Variants in USP31 observed in about 807,000 individuals in gnomAD.
The protein encoded by USP31 is ubiquitin carboxyl-terminal hydrolase 31.
Under a neutral mutation model 119.4 loss-of-function variants are expected in USP31, and 44 were observed. The observed-to-expected ratio is 0.37, with a 90% confidence interval of 0.29 to 0.47. The LOEUF is 0.47. Among genes scored for constraint, USP31 ranks in the 20% least tolerant of loss-of-function variants. USP31 has a pLI of 0.99. For missense variants in USP31, 1,643 were observed against 1,730.2 expected (o/e 0.95, Z 0.89); for synonymous variants, 749 against 705.6 (o/e 1.06, Z -0.97).
intron 1 of USP31, among the ~76,000 whole-genome samples, chr16:23,140,210 T>C (rs1903314501): frequency 6.6e-6 from 1 of 152,204 alleles, no homozygotes; most frequent in South Asian, 2.1e-4. Flanking sequence ...CTCAAAGCCA[T>C]CCATAATGTG....
intron 1 of USP31, among the ~76,000 whole-genome samples, chr16:23,129,903 G>A (rs1333405293): frequency 6.6e-6 from 1 of 152,202 alleles, no homozygotes; most frequent in African/African-American, 2.4e-5. Context: ...AGCACTACAA[G>A]TGGGAGGGTA....
intron 1 of USP31, among the ~76,000 whole-genome samples, chr16:23,137,799 CAAAA>C (rs1183718028): frequency 1.4e-5 from 2 of 142,766 alleles, no homozygotes; most frequent in Non-Finnish European, 3.1e-5. Flanking sequence ...AACAAACAAA[CAAAA>C]AAAAGAGTAG....
Position 23,087,757 on chromosome 16 carries a change from C to T in USP31, c.1494G>A (p.Met498Ile). ...DLLQKEILEK[M>I]KYFLRPTVCI... ...AAACCGTGGGCCTCAAGAAATACTT[C>T]ATCTTCTCCAAGATTTCCTTCTGCA... The change falls in exon 8 of 16, where the codon ATG (methionine) becomes ATA (isoleucine). Residue 498 changes from methionine (M) to isoleucine (I), a missense_variant. Met to Ile is a conservative substitution (Grantham distance 10). Around this residue, in one of 5 missense-constraint regions of USP31, gnomAD observed 219 missense variants for 226.4 expected, o/e 0.97. Coordinates refer to ENST00000219689, the MANE Select transcript of USP31 (RefSeq NM_020718.4). The T allele has an allele frequency of 1.9e-6, 3 of 1,614,100 alleles. No homozygotes were observed. The highest frequency in any genetic ancestry group is 2.5e-6 in the Non-Finnish European group (3 of 1,180,010).
chr16:23,078,204 C>A, intron 13 of USP31, among the ~76,000 whole-genome samples: 1 of 148,832 alleles, frequency 6.7e-6, no homozygotes. Context: ...CCCAGCTACT[C>A]GGGAGGCTGA....
rs113946424 is a variant in USP31 at position 23,067,913 on chromosome 16, TCA to T, written c.*131_*132del. 6,068 of 975,986 alleles carry T rather than the reference TCA, an allele frequency of 6.2e-3. No homozygotes were observed. The highest frequency in any genetic ancestry group is 8.4e-3 in the South Asian group (460 of 54,972). 60.5% of individuals were successfully genotyped at this position (975,986 alleles called of 1,614,324 possible). A position where few individuals can be genotyped will look rare whatever the true frequency, so the allele number is the denominator to read the frequency against. ...GAATTAGACACACACACGCATACAC[TCA>T]CACACACACACACAGTCGGGCACGT... On this transcript the variant is annotated 3_prime_UTR_variant, in exon 16 of 16. Coordinates refer to ENST00000219689, the MANE Select transcript of USP31 (RefSeq NM_020718.4).
In USP31 at chr16:23,066,668, A is replaced by AT. The variant is rs1276574935; in HGVS notation, c.*1377_*1378insA. ...TCACTCTCTTGACATTTAAAAAAAAAAGAAAAGCTAAAAATTGAGCAGGAA... is the reference window on the plus strand; with the variant it reads ...TCACTCTCTTGACATTTAAAAAAAAATAGAAAAGCTAAAAATTGAGCAGGAA... On this transcript the variant is annotated 3_prime_UTR_variant, in exon 16 of 16. Coordinates refer to ENST00000219689, the MANE Select transcript of USP31 (RefSeq NM_020718.4). 1 of 152,210 alleles carries AT rather than the reference A, an allele frequency of 6.6e-6. No homozygotes were observed. The highest frequency in any genetic ancestry group is 1.5e-5 in the Non-Finnish European group (1 of 68,048). The allele number at this position is 152,210 out of a possible 1,614,324, so 9.4% of individuals were successfully genotyped here.
chr16:23,114,442 G>GA (rs1902424894), intron 1 of USP31, among the ~76,000 whole-genome samples: 1 of 133,500 alleles, frequency 7.5e-6, no homozygotes, highest in African/African-American at 2.9e-5. Flanking sequence ...TCCCAATGGG[G>GA]AAAAAATAGG....
chr16:23,075,839 C>A (rs1900547459), intron 13 of USP31, among the ~76,000 whole-genome samples: 1 of 152,166 alleles, frequency 6.6e-6, no homozygotes, highest in South Asian at 2.1e-4. Flanking sequence ...ACAATCCCAA[C>A]ACTTTGTGAG....
chr16:23,084,751 C>G, intron 11 of USP31, 109 bp downstream of exon 11: 2 of 1,474,244 alleles, frequency 1.4e-6, no homozygotes, highest in African/African-American at 2.8e-5. Context: ...TACATATATG[C>G]AAAATCCTGC....
At chr16:23,135,019 GTT>G (rs1475552354) in intron 1 of USP31, among the ~76,000 whole-genome samples, 1 of 150,988 alleles carries the variant, frequency 6.6e-6, no homozygotes, top group Non-Finnish European at 1.5e-5. Flanking sequence ...ATGAAAGGAC[GTT>G]CAACATATGA....
chr16:23,131,692 A>T lies in USP31; in HGVS notation c.633+16946T>A, dbSNP rs145167357. 4.5e-4 allele frequency among the ~76,000 whole-genome samples: 68 copies of T among 152,254 alleles called. 2 individuals carry two copies. The highest frequency in any genetic ancestry group is 4.3e-3 in the Admixed American group (65 of 15,278). On this transcript the variant is annotated intron_variant, in intron 1 of 15. Transcript: ENST00000219689. ...TAAAAGGCACATGGAACCTGCCATC[A>T]TCAGCTTGCTTTTCTCTCTGGGCTT...
chr16:23,094,623 G>C (rs1901520908), intron 6 of USP31, among the ~76,000 whole-genome samples: 1 of 152,152 alleles, frequency 6.6e-6, no homozygotes, highest in Non-Finnish European at 1.5e-5. Context: ...CATACAGGCG[G>C]GTGCCTGTCT....
chr16:23,130,535 C>T (rs1902997268), intron 1 of USP31, among the ~76,000 whole-genome samples: 1 of 152,074 alleles, frequency 6.6e-6, no homozygotes, highest in South Asian at 2.1e-4. Context: ...GTGACTGAGA[C>T]ATAATGAGGG....
intron 1 of USP31, 40 bp downstream of exon 1, chr16:23,148,598 G>A (rs1903601356): frequency 7.0e-6 from 10 of 1,421,420 alleles, no homozygotes; most frequent in African/African-American, 1.5e-5. Context: ...TGCCCCAGGG[G>A]CTCGGGGTGC....
chr16:23,144,730 C>T (rs1005817744), intron 1 of USP31, among the ~76,000 whole-genome samples: 1 of 152,190 alleles, frequency 6.6e-6, no homozygotes, highest in African/African-American at 2.4e-5. Flanking sequence ...GATCCACCCA[C>T]CTTGGCCTCC....
At chr16:23,116,356 A>C (rs2141883902) in intron 1 of USP31, among the ~76,000 whole-genome samples, 1 of 152,338 alleles carries the variant, frequency 6.6e-6, no homozygotes, top group Admixed American at 6.5e-5. Flanking sequence ...TAAAATAATA[A>C]GCACTTGTCT....
intron 1 of USP31, among the ~76,000 whole-genome samples, chr16:23,114,126 CT>C (rs1902413001): frequency 6.6e-6 from 1 of 151,666 alleles, no homozygotes; most frequent in African/African-American, 2.4e-5. Flanking sequence ...AATGGTGATT[CT>C]TTGGTAAGGG....
In USP31 at chr16:23,068,344, G is replaced by A. The variant is rs1297366955; in HGVS notation, c.3761C>T (p.Ala1254Val). The change falls in exon 16 of 16, where the codon GCT (alanine) becomes GTT (valine). Residue 1254 changes from alanine to valine, a missense_variant. Transcript: ENST00000219689. ...GACAGACTTAACAGAGCTCCCACCA[G>A]CCTTTTTAGAGAGCAAGGCTGTCTT... ...LGKTALLSKK[A>V]GGSSVKSVCK... is the part of the protein sequence containing the mutation. 2.5e-6 allele frequency: 4 copies of A among 1,614,098 alleles called. No individual in the cohort carries two copies. Among genetic ancestry groups the A allele is most frequent in the Non-Finnish European group, 3.4e-6 (4 of 1,180,050 alleles).
intron 1 of USP31, among the ~76,000 whole-genome samples, chr16:23,134,138 CTTTG>C (rs1567247389): frequency 6.6e-6 from 1 of 151,476 alleles, no homozygotes; most frequent in African/African-American, 2.4e-5. Context: ...GAACAGATTA[CTTTG>C]TTTTTGAAAC....
Sources: gnomAD v4.1 joint callset for allele counts (sites outside exome capture counted in the v4.1 genomes callset) on GRCh38, gnomAD v4.1.1 for gene constraint, gnomAD v4.1.1 regional missense constraint, MANE v1.5 for transcripts, NCBI Gene and HGNC (gene_info 2026-07-23, HGNC 2026-07-21) for gene names.